TRIM59: variants seen among roughly 807,000 people sequenced by gnomAD.
TRIM59 encodes tripartite motif containing 59, also known as tripartite motif-containing protein 59.
TRIM59 carries 14 observed loss-of-function variants against 32.2 expected under a neutral mutation model. The ratio of observed to expected loss-of-function variants is 0.43; its 90% CI spans 0.29 to 0.68. TRIM59 has a LOEUF of 0.68. TRIM59 is among the 30% of genes least tolerant of loss of function. The pLI is 0.15. For missense variants in TRIM59, 471 were observed against 463.3 expected, an observed-to-expected ratio of 1.02 and a Z score of -0.15; for synonymous variants, 163 against 155.1, an observed-to-expected ratio of 1.05 and a Z score of -0.38.
chr3:160,446,158 T>C (rs1407087077), intron 2 of TRIM59, among the ~76,000 whole-genome samples: 1 of 152,194 alleles, frequency 6.6e-6, no homozygotes, highest in Non-Finnish European at 1.5e-5. Flanking sequence ...CTATCTGTGA[T>C]AGGTAGCCTC....
chr3:160,438,641 A>AT lies in TRIM59; in HGVS notation c.542dup (p.Asp181GlufsTer2). ...TAAAATACTGGAGAACAGCTTCCTTATCGCCTTGGATCATTTTCTCAGAAT... is the reference window on the plus strand; with the variant it reads ...TAAAATACTGGAGAACAGCTTCCTTATTCGCCTTGGATCATTTTCTCAGAAT... On this transcript the variant is annotated frameshift_variant, in exon 3 of 3. Transcript: ENST00000309784. LOFTEE classifies it high-confidence loss of function. The AT allele has an allele frequency of 6.8e-6, 11 of 1,612,698 alleles. No homozygotes were observed. Among genetic ancestry groups the AT allele is most frequent in the Non-Finnish European group, 9.3e-6 (11 of 1,179,642 alleles).
At chr3:160,443,797 G>C (rs1017006800) in intron 2 of TRIM59, among the ~76,000 whole-genome samples, 11 of 152,086 alleles carry the variant, frequency 7.2e-5, no homozygotes, top group Admixed American at 5.9e-4. Context: ...CCGCCACCAC[G>C]CCCAGCTAAT....
chr3:160,437,079 G>A lies in TRIM59; in HGVS notation c.*893C>T. 1.0e-6 allele frequency: 1 copy of A among 985,184 alleles called. No individual in the cohort carries two copies. Among genetic ancestry groups the A allele is most frequent in the Non-Finnish European group, 1.2e-6 (1 of 829,702 alleles). 61.0% of individuals were successfully genotyped at this position (985,184 alleles called of 1,614,324 possible). On this transcript the variant is annotated 3_prime_UTR_variant, in exon 3 of 3. Coordinates refer to ENST00000309784, the MANE Select transcript of TRIM59 (RefSeq NM_173084.3). ...TAGAAAATGCTGGCCCCCAGGCACA[G>A]TGTGGCTAACGTCTGTAATCCCAGC...
rs985099351 is a variant in TRIM59, at chr3:160,435,937, T to C, written c.*2035A>G. ...AATATTCACATCACAGAAATGAGAT[T>C]AAGTAGTTTAACACATAATGGCTAA... On this transcript the variant is annotated 3_prime_UTR_variant, in exon 3 of 3. Transcript: ENST00000309784. 10 of 1,284,450 alleles carry C rather than the reference T, an allele frequency of 7.8e-6. No homozygotes were observed. Among genetic ancestry groups the C allele is most frequent in the Non-Finnish European group, 1.0e-5 (10 of 986,300 alleles). 79.6% of individuals were successfully genotyped at this position (1,284,450 alleles called of 1,614,324 possible).
rs1337335657 is a variant in TRIM59, at chr3:160,436,881, ATGAGT to A, written c.*1086_*1090del. Reference sequence around the variant, plus strand: ...TAAGGGAATGTGGTAGAAAATTTAAATGAGTTAAGATGAATAAAGTCCACATGATG... The same window carrying A: ...TAAGGGAATGTGGTAGAAAATTTAAATAAGATGAATAAAGTCCACATGATG... On this transcript the variant is annotated 3_prime_UTR_variant, in exon 3 of 3. Transcript: ENST00000309784. 6 of 984,714 alleles carry A rather than the reference ATGAGT, an allele frequency of 6.1e-6. No homozygotes were observed. The highest frequency in any genetic ancestry group is 9.4e-5 in the South Asian group (2 of 21,268). The allele number at this position is 984,714 out of a possible 1,614,324, so 61.0% of individuals were successfully genotyped here. A position where few individuals can be genotyped will look rare whatever the true frequency, so the allele number is the denominator to read the frequency against.
rs1719725710 is a variant in TRIM59, at chr3:160,449,732, G to T, written c.-89C>A. On this transcript the variant is annotated 5_prime_UTR_variant, in exon 1 of 3. Transcript: ENST00000309784. ...TTAGACTCACCGCGGGGAGGAAGCG[G>T]ACCAGGCAACTCCACAGCACGGAAA... 21 of 1,289,850 alleles carry T rather than the reference G, an allele frequency of 1.6e-5. No individual in the cohort carries two copies. Among genetic ancestry groups the T allele is most frequent in the Non-Finnish European group, 2.1e-5 (21 of 988,984 alleles). The allele number at this position is 1,289,850 out of a possible 1,614,324, so 79.9% of individuals were successfully genotyped here.
Position 160,436,225 on chromosome 3 carries a change from C to G in TRIM59, c.*1747G>C, listed in dbSNP as rs1050603851. The G allele has an allele frequency of 2.0e-6, 2 of 994,406 alleles. No individual in the cohort carries two copies. Among genetic ancestry groups the G allele is most frequent in the African/African-American group, 3.5e-5 (2 of 57,328 alleles). 61.6% of individuals were successfully genotyped at this position (994,406 alleles called of 1,614,324 possible). A position where few individuals can be genotyped will look rare whatever the true frequency, so the allele number is the denominator to read the frequency against. On this transcript the variant is annotated 3_prime_UTR_variant, in exon 3 of 3. Coordinates refer to ENST00000309784, the MANE Select transcript of TRIM59 (RefSeq NM_173084.3). ...GCAGGTAAGAGTTTTAGAACTAGTT[C>G]CCTGAAAAAGCTGTATTTATGATAG...
At position 160,437,912 on chromosome 3, in the gene TRIM59, C is replaced by A. The variant is rs1719058682; in HGVS notation, c.*60G>T. ...TTAGTTTGCTCTTTATCCATGCTAC[C>A]CCATTTTTTGTTTAGCAATGTACAG... On this transcript the variant is annotated 3_prime_UTR_variant, in exon 3 of 3. Coordinates refer to ENST00000309784, the MANE Select transcript of TRIM59 (RefSeq NM_173084.3). 3 of 1,435,338 alleles carry A rather than the reference C, an allele frequency of 2.1e-6. No individual in the cohort carries two copies. The highest frequency in any genetic ancestry group is 9.1e-7 in the Non-Finnish European group (1 of 1,095,066). The allele number at this position is 1,435,338 out of a possible 1,614,324, so 88.9% of individuals were successfully genotyped here. A position where few individuals can be genotyped will look rare whatever the true frequency, so the allele number is the denominator to read the frequency against.
At chr3:160,441,394 T>G (rs1309160976) in intron 2 of TRIM59, among the ~76,000 whole-genome samples, 1 of 152,164 alleles carries the variant, frequency 6.6e-6, no homozygotes, top group Non-Finnish European at 1.5e-5. Context: ...GGGTTTTTTG[T>G]TTTTTGTTTT....
At chr3:160,448,933 C>G in intron 1 of TRIM59, 138 bp from the exon 2 acceptor site, 1 of 395,030 alleles carries the variant, frequency 2.5e-6, no homozygotes. Flanking sequence ...AACACCAACA[C>G]AGTTGCTGGA....
Position 160,436,957 on chromosome 3 carries a change from T to A in TRIM59, c.*1015A>T. 1.0e-6 allele frequency: 1 copy of A among 985,300 alleles called. No homozygotes were observed. The highest frequency in any genetic ancestry group is 1.2e-6 in the Non-Finnish European group (1 of 829,900). 61.0% of individuals were successfully genotyped at this position (985,300 alleles called of 1,614,324 possible). On this transcript the variant is annotated 3_prime_UTR_variant, in exon 3 of 3. Transcript: ENST00000309784. ...CCAAGTTACCAACATGATTCTGTTCTAATAAGAATGAGTTTTTAATCCAAG... is the reference window on the plus strand; with the variant it reads ...CCAAGTTACCAACATGATTCTGTTCAAATAAGAATGAGTTTTTAATCCAAG...
chr3:160,449,576 T>C, intron 1 of TRIM59, 141 bp downstream of exon 1: 2 of 1,288,562 alleles, frequency 1.6e-6, no homozygotes, highest in South Asian at 2.5e-5. Flanking sequence ...AGGGAATGAG[T>C]GCAGGTCCCA....
chr3:160,449,582 T>C (rs1295117056), intron 1 of TRIM59, 135 bp downstream of exon 1: 2 of 1,288,780 alleles, frequency 1.6e-6, no homozygotes, highest in Non-Finnish European at 2.0e-6. Flanking sequence ...TGAGTGCAGG[T>C]CCCAAGCCAC....
intron 2 of TRIM59, among the ~76,000 whole-genome samples, chr3:160,441,449 T>G (rs1577014781): frequency 6.6e-6 from 1 of 151,962 alleles, no homozygotes. Context: ...AAAACGAAAA[T>G]CTATCAGAAA....
rs917248549 is a variant in TRIM59, at chr3:160,436,384, A to G, written c.*1588T>C. 9 of 986,042 alleles carry G rather than the reference A, an allele frequency of 9.1e-6. No homozygotes were observed. In the African/African-American group the frequency reaches 1.6e-4, roughly 17 times the overall value. 61.1% of individuals were successfully genotyped at this position (986,042 alleles called of 1,614,324 possible). On this transcript the variant is annotated 3_prime_UTR_variant, in exon 3 of 3. Coordinates refer to ENST00000309784, the MANE Select transcript of TRIM59 (RefSeq NM_173084.3). ...ATTTCTGGAAAGCAAATCAACCTGC[A>G]CTTAGAGTTGCATGGACAGTGGGCC... is the stretch of plus-strand genomic sequence containing the variant.
At chr3:160,449,429 A>G (rs991203562) in intron 1 of TRIM59, 6 of 1,124,768 alleles carry the variant, frequency 5.3e-6, no homozygotes, top group Admixed American at 3.9e-5. Flanking sequence ...CCCGTCCCCA[A>G]CCCCGCGGGA....
Position 160,436,165 on chromosome 3 carries a change from T to A in TRIM59, c.*1807A>T. On this transcript the variant is annotated 3_prime_UTR_variant, in exon 3 of 3. Coordinates refer to ENST00000309784, the MANE Select transcript of TRIM59 (RefSeq NM_173084.3). The stretch of plus-strand genomic sequence containing the variant: ...GTCTGATTCTAATAATAAATTGATA[T>A]AATACAGTCATCTTAGTGTTAAGAC... 1 of 1,024,378 alleles carries A rather than the reference T, an allele frequency of 9.8e-7. No individual in the cohort carries two copies. The highest frequency in any genetic ancestry group is 1.2e-6 in the Non-Finnish European group (1 of 852,546). 63.5% of individuals were successfully genotyped at this position (1,024,378 alleles called of 1,614,324 possible). A position where few individuals can be genotyped will look rare whatever the true frequency, so the allele number is the denominator to read the frequency against.
intron 2 of TRIM59, among the ~76,000 whole-genome samples, chr3:160,445,540 G>A (rs371264464): frequency 9.9e-5 from 15 of 152,046 alleles, no homozygotes; most frequent in Admixed American, 2.0e-4. Context: ...TTGGGAGGCC[G>A]AGACAGGCGG....
At chr3:160,443,193 A>G (rs922260059) in intron 2 of TRIM59, among the ~76,000 whole-genome samples, 5 of 152,246 alleles carry the variant, frequency 3.3e-5, no homozygotes, top group African/African-American at 1.2e-4. Flanking sequence ...ATGAAATTTT[A>G]TGCAGCAGAA....
Sources: gnomAD v4.1 joint callset for allele counts (sites outside exome capture counted in the v4.1 genomes callset) on GRCh38, gnomAD v4.1.1 for gene constraint, MANE v1.5 for transcripts, NCBI Gene and HGNC (gene_info 2026-07-23, HGNC 2026-07-21) for gene names.